The following PHF13 variants were observed in gnomAD, a reference collection of about 807,000 sequenced individuals.
PHF13 encodes the protein PHD finger protein 13.
In PHF13, 1 loss-of-function variant was observed where a neutral mutation model predicts 25.8. That is an observed-to-expected ratio of 0.04 (90% CI 0.01 to 0.18). The LOEUF (loss-of-function observed/expected upper bound fraction) is 0.18. Among genes scored for constraint, PHF13 ranks in the 10% least tolerant of loss-of-function variants. PHF13 has a pLI of 1.00. For synonymous variants in PHF13, 195 were observed against 162.4 expected, an observed-to-expected ratio of 1.20 and a Z score of -1.53; for missense variants, 306 against 403.2, an observed-to-expected ratio of 0.76 and a Z score of 2.06.
Position 6,616,481 on chromosome 1 carries a change from C to T in PHF13, c.40-276C>T, listed in dbSNP as rs3817873. Among the ~76,000 whole-genome samples the T allele has an allele frequency of 1.2e-3, 176 of 152,354 alleles. 4 individuals carry two copies. The East Asian group carries it at 0.027, about 24-fold the overall frequency. On this transcript the variant is annotated intron_variant, in intron 1 of 3. Coordinates refer to ENST00000377648, the MANE Select transcript of PHF13 (RefSeq NM_153812.3). ...TAATAGATAAAGTCAGAAAATGCCA[C>T]ATGAGCACTAAGAAATAGACTTTTG...
rs749694340 is a variant in PHF13, at chr1:6,621,387, C to T, written c.677-24C>T. 6.2e-7 allele frequency: 1 copy of T among 1,611,360 alleles called. No homozygotes were observed. Among genetic ancestry groups the T allele is most frequent in the Non-Finnish European group, 8.5e-7 (1 of 1,177,712 alleles). On this transcript the variant is annotated intron_variant, in intron 3 of 3. Transcript: ENST00000377648. This position sits in a 1 kb window ranked among gnomAD's most constrained non-coding sequence, Gnocchi z 4.8. ...GGAATGATGGGAATTTCTCTTCCCTCCTTGAGAGTATCTTTCCTTCCAGAT... is the reference window on the plus strand; with the variant it reads ...GGAATGATGGGAATTTCTCTTCCCTTCTTGAGAGTATCTTTCCTTCCAGAT...
intron 1 of PHF13, among the ~76,000 whole-genome samples, chr1:6,615,726 G>A (rs1352328251): frequency 1.3e-5 from 2 of 152,204 alleles, no homozygotes; most frequent in African/African-American, 4.8e-5. Context: ...CCATCTCTCC[G>A]TGCTTCTCTC....
In PHF13 at chr1:6,616,869, G is replaced by T. The variant is rs1641269519; in HGVS notation, c.141+11G>T. ...CCTTATCCGAAGGAGGTAATCTTCT[G>T]AGTTTCTGAGACCTTTCTTGATGAG... On this transcript the variant is annotated intron_variant, in intron 2 of 3. Coordinates refer to ENST00000377648, the MANE Select transcript of PHF13 (RefSeq NM_153812.3). The T allele has an allele frequency of 1.2e-6, 2 of 1,608,696 alleles. No individual in the cohort carries two copies. Among genetic ancestry groups the T allele is most frequent in the Non-Finnish European group, 1.7e-6 (2 of 1,175,212 alleles).
In PHF13 at chr1:6,621,553, C is replaced by T; in HGVS notation, c.819C>T (p.Val273=). ...AATCCAATGTTCCAGAAGTGTTTGT[C>T]TGCCAAAAGTGCCGGGACTCCAAGT... ...IRKSNVPEVF[V]CQKCRDSKFD... Residue 273 remains valine, a synonymous_variant, in exon 4 of 4, where the codon GTC becomes GTT. Coordinates refer to ENST00000377648, the MANE Select transcript of PHF13 (RefSeq NM_153812.3). The surrounding 1 kb of genome is among the most constrained non-coding windows in gnomAD (Gnocchi z 4.8). The T allele has an allele frequency of 6.2e-7, 1 of 1,614,210 alleles. No individual in the cohort carries two copies. Among genetic ancestry groups the T allele is most frequent in the Non-Finnish European group, 8.5e-7 (1 of 1,180,042 alleles).
intron 3 of PHF13, among the ~76,000 whole-genome samples, chr1:6,620,567 A>C (rs1408706341): frequency 6.6e-6 from 1 of 152,222 alleles, no homozygotes; most frequent in Non-Finnish European, 1.5e-5. Flanking sequence ...GAACATAAAA[A>C]GGGTATAGTT....
chr1:6,621,877 G>T lies in PHF13; in HGVS notation c.*240G>T. ...CGTTCCCTGCAGTGGAGGTGGACTGGACACCCACGTGCAGCGGGTTTGGCT... is the reference window on the plus strand; with the variant it reads ...CGTTCCCTGCAGTGGAGGTGGACTGTACACCCACGTGCAGCGGGTTTGGCT... On this transcript the variant is annotated 3_prime_UTR_variant, in exon 4 of 4. Transcript: ENST00000377648. The surrounding 1 kb of genome is among the most constrained non-coding windows in gnomAD (Gnocchi z 4.8). The T allele has an allele frequency of 1.8e-6, 1 of 570,424 alleles. No homozygotes were observed. Among genetic ancestry groups the T allele is most frequent in the Non-Finnish European group, 3.1e-6 (1 of 318,366 alleles). 35.3% of individuals were successfully genotyped at this position (570,424 alleles called of 1,614,324 possible). A position where few individuals can be genotyped will look rare whatever the true frequency, so the allele number is the denominator to read the frequency against.
intron 2 of PHF13, among the ~76,000 whole-genome samples, chr1:6,618,150 T>A (rs979148880): frequency 5.9e-5 from 9 of 152,192 alleles, no homozygotes. Context: ...GCTTTTTTTT[T>A]TTTGCGACAG....
Position 6,620,084 on chromosome 1 carries a change from G to C in PHF13, c.423G>C (p.Lys141Asn). 6.2e-7 allele frequency: 1 copy of C among 1,613,488 alleles called. No homozygotes were observed. Among genetic ancestry groups the C allele is most frequent in the Non-Finnish European group, 8.5e-7 (1 of 1,180,028 alleles). The change falls in exon 3 of 4, where the codon AAG becomes AAC. Residue 141 changes from lysine to asparagine, a missense_variant. Lys to Asn is a moderately conservative substitution (Grantham distance 94). This residue lies in a region of PHF13 where 186 missense variants were observed against 164.0 expected (regional missense o/e 1.13). Coordinates refer to ENST00000377648, the MANE Select transcript of PHF13 (RefSeq NM_153812.3). Reference sequence around the variant, plus strand: ...AGGGGTACAGGGGGGGCTTGCTGAAGCTGGAAGCCGCTGACCCCTACGTGG... The same window carrying C: ...AGGGGTACAGGGGGGGCTTGCTGAACCTGGAAGCCGCTGACCCCTACGTGG... ...GKEGYRGGLLKLEAADPYVET... is the reference protein window; with the variant it reads ...GKEGYRGGLLNLEAADPYVET...
rs1641207682 is a variant in PHF13 at position 6,613,847 on chromosome 1, G to A, written c.-220G>A. The A allele has an allele frequency of 7.8e-6, 3 of 384,166 alleles. No individual in the cohort carries two copies. Among genetic ancestry groups the A allele is most frequent in the South Asian group, 3.8e-5 (1 of 26,272 alleles). 23.8% of individuals were successfully genotyped at this position (384,166 alleles called of 1,614,324 possible). On this transcript the variant is annotated 5_prime_UTR_variant, in exon 1 of 4. Coordinates refer to ENST00000377648, the MANE Select transcript of PHF13 (RefSeq NM_153812.3). ...CCACTCTCCCGCCTCTACCGCCGCG[G>A]GAGCTGCATCGTCCACTCCGGTCGG...
chr1:6,614,168 G>C, intron 1 of PHF13, 63 bp downstream of exon 1: 1 of 1,527,138 alleles, frequency 6.5e-7, no homozygotes, highest in Non-Finnish European at 8.9e-7. Context: ...GCCGTCCTCA[G>C]GCAGCCAGAC....
In PHF13 at chr1:6,616,719, C is replaced by G. The variant is rs966018123; in HGVS notation, c.40-38C>G. 6 of 1,557,670 alleles carry G rather than the reference C, an allele frequency of 3.9e-6. No homozygotes were observed. The South Asian group carries it at 6.7e-5, about 17-fold the overall frequency. ...TTTCTGTGATTCCGCCTGGAAGCCTCTCCTTCAAACACATTCCCTTTTCTC... is the reference window on the plus strand; with the variant it reads ...TTTCTGTGATTCCGCCTGGAAGCCTGTCCTTCAAACACATTCCCTTTTCTC... On this transcript the variant is annotated intron_variant, in intron 1 of 3. Transcript: ENST00000377648.
chr1:6,623,578 C>T lies in PHF13; in HGVS notation c.*1941C>T, dbSNP rs992744965. Reference sequence around the variant, plus strand: ...GTGACTTTAGAATGGAACTGCCGGCCCTGGCAACTGTCACGTGTGCTAGAA... The same window carrying T: ...GTGACTTTAGAATGGAACTGCCGGCTCTGGCAACTGTCACGTGTGCTAGAA... On this transcript the variant is annotated 3_prime_UTR_variant, in exon 4 of 4. Coordinates refer to ENST00000377648, the MANE Select transcript of PHF13 (RefSeq NM_153812.3). 6.6e-6 allele frequency: 1 copy of T among 152,584 alleles called. No homozygotes were observed. Among genetic ancestry groups the T allele is most frequent in the Non-Finnish European group, 1.5e-5 (1 of 68,024 alleles). The allele number at this position is 152,584 out of a possible 1,614,324, so 9.5% of individuals were successfully genotyped here. A position where few individuals can be genotyped will look rare whatever the true frequency, so the allele number is the denominator to read the frequency against.
rs183020657 is a variant in PHF13, at chr1:6,621,294, C to T, written c.677-117C>T. 162 of 1,061,052 alleles carry T rather than the reference C, an allele frequency of 1.5e-4. No individual in the cohort carries two copies. Among genetic ancestry groups the T allele is most frequent in the Admixed American group, 2.9e-4 (14 of 48,014 alleles). 65.7% of individuals were successfully genotyped at this position (1,061,052 alleles called of 1,614,324 possible). On this transcript the variant is annotated intron_variant, in intron 3 of 3. Coordinates refer to ENST00000377648, the MANE Select transcript of PHF13 (RefSeq NM_153812.3). This position sits in a 1 kb window ranked among gnomAD's most constrained non-coding sequence, Gnocchi z 4.8. ...CCTTTTCAGAGAGAAGTGTCAGCTT[C>T]GAGTGGCAGTTGGAAGTGTTCTCGT...
In PHF13 at chr1:6,621,800, A is replaced by C. The variant is rs982551978; in HGVS notation, c.*163A>C. 3 of 715,774 alleles carry C rather than the reference A, an allele frequency of 4.2e-6. No individual in the cohort carries two copies. The highest frequency in any genetic ancestry group is 6.9e-6 in the Non-Finnish European group (3 of 431,924). 44.3% of individuals were successfully genotyped at this position (715,774 alleles called of 1,614,324 possible). ...AGGCTGTCCAAGGTAGAAACTGTACATAGCCGGTGACCGAATGCGACCTTT... is the reference window on the plus strand; with the variant it reads ...AGGCTGTCCAAGGTAGAAACTGTACCTAGCCGGTGACCGAATGCGACCTTT... On this transcript the variant is annotated 3_prime_UTR_variant, in exon 4 of 4. Coordinates refer to ENST00000377648, the MANE Select transcript of PHF13 (RefSeq NM_153812.3). The surrounding 1 kb of genome is among the most constrained non-coding windows in gnomAD (Gnocchi z 4.8).
chr1:6,615,828 G>A (rs1641253406), intron 1 of PHF13, among the ~76,000 whole-genome samples: 1 of 152,172 alleles, frequency 6.6e-6, no homozygotes, highest in Non-Finnish European at 1.5e-5. Flanking sequence ...TTAAATGTAA[G>A]ACTAAGCTTC....
At chr1:6,618,804 A>G (rs9661802) in intron 2 of PHF13, among the ~76,000 whole-genome samples, 2 of 151,720 alleles carry the variant, frequency 1.3e-5, no homozygotes, top group Admixed American at 6.6e-5. Context: ...GCCATCATGC[A>G]CAGCTAATTT....
At chr1:6,616,013 A>G (rs1641255268) in intron 1 of PHF13, among the ~76,000 whole-genome samples, 1 of 143,980 alleles carries the variant, frequency 6.9e-6, no homozygotes, top group Non-Finnish European at 1.5e-5. Flanking sequence ...AGCTCTGGAG[A>G]ATGAGTGGTT....
Position 6,619,805 on chromosome 1 carries a change from A to T in PHF13, c.144A>T (p.Glu48Asp), listed in dbSNP as rs912979451. 1.3e-6 allele frequency: 2 copies of T among 1,583,696 alleles called. No individual in the cohort carries two copies. Among genetic ancestry groups the T allele is most frequent in the Non-Finnish European group, 1.7e-6 (2 of 1,163,392 alleles). ...YAGYIPYPKE[E>D]LPLRSSPSPA... ...ATCTGCCACCTTTGTCTTTTTAGGA[A>T]CTCCCTTTAAGGAGCAGCCCCAGCC... The change falls in exon 3 of 4, where the codon GAA becomes GAT. Residue 48 changes from glutamate to aspartate, a missense_variant and splice_region_variant. By Grantham distance (45) the Glu-to-Asp change is conservative. Transcript: ENST00000377648.
chr1:6,620,391 G>T (rs955174525), intron 3 of PHF13, 54 bp downstream of exon 3: 168 of 1,540,642 alleles, frequency 1.1e-4, no homozygotes, highest in Admixed American at 1.4e-4. Flanking sequence ...TAGAAGAGAG[G>T]TTATTTTATT....
Sources: gnomAD v4.1 joint callset for allele counts (sites outside exome capture counted in the v4.1 genomes callset) on GRCh38, gnomAD v4.1.1 for gene constraint, gnomAD v4.1.1 regional missense constraint, Gnocchi (gnomAD v3.1) non-coding constraint, MANE v1.5 for transcripts, NCBI Gene and HGNC (gene_info 2026-07-23, HGNC 2026-07-21) for gene names.